HUNK: variants seen among roughly 807,000 people sequenced by gnomAD.
The protein encoded by HUNK is hormonally up-regulated neu tumor-associated kinase.
Under a neutral mutation model 61.0 loss-of-function variants are expected in HUNK, and 21 were observed. That is an observed-to-expected ratio of 0.34 (90% CI 0.24 to 0.50). The LOEUF (loss-of-function observed/expected upper bound fraction) is 0.50. HUNK is among the 20% of genes least tolerant of loss of function. The pLI, the probability that HUNK is intolerant of heterozygous loss-of-function variation, is 0.98. For missense variants in HUNK, 772 were observed against 945.7 expected (o/e 0.82, Z 2.41); for synonymous variants, 371 against 386.1 (o/e 0.96, Z 0.46).
At chr21:31,918,207 CAACTTGTA>C (rs1359011311) in intron 1 of HUNK, among the ~76,000 whole-genome samples, 1 of 149,936 alleles carries the variant, frequency 6.7e-6, no homozygotes, top group African/African-American at 2.5e-5. Flanking sequence ...TCAGTATTAT[CAACTTGTA>C]AGTATGGAGC....
intron 7 of HUNK, among the ~76,000 whole-genome samples, chr21:31,977,456 A>T (rs1382168233): frequency 6.6e-6 from 1 of 152,234 alleles, no homozygotes; most frequent in Non-Finnish European, 1.5e-5. Context: ...AGAGAATGAC[A>T]TTGCTACTTT....
At chr21:31,940,716 C>G (rs1174805253) in intron 3 of HUNK, among the ~76,000 whole-genome samples, 1 of 152,146 alleles carries the variant, frequency 6.6e-6, no homozygotes, top group Non-Finnish European at 1.5e-5. Flanking sequence ...CAAGATGGGG[C>G]ATCATAATTG....
intron 5 of HUNK, among the ~76,000 whole-genome samples, chr21:31,963,340 G>A (rs988118459): frequency 2.6e-5 from 4 of 152,042 alleles, no homozygotes; most frequent in Admixed American, 2.0e-4. Context: ...ATTTTATTTA[G>A]TATAAGACGC....
chr21:31,888,416 A>T (rs1601359920), intron 1 of HUNK, among the ~76,000 whole-genome samples: 1 of 152,202 alleles, frequency 6.6e-6, no homozygotes, highest in Admixed American at 6.5e-5. Flanking sequence ...ATGGGTTCAC[A>T]TGAGATGAGG....
At chr21:31,970,705 A>G (rs953182708) in intron 6 of HUNK, among the ~76,000 whole-genome samples, 1 of 152,226 alleles carries the variant, frequency 6.6e-6, no homozygotes, top group Non-Finnish European at 1.5e-5. Flanking sequence ...GGTGTTAGAC[A>G]GTATTTCCCC....
intron 10 of HUNK, among the ~76,000 whole-genome samples, chr21:31,997,246 T>G (rs1419541579): frequency 6.6e-6 from 1 of 152,256 alleles, no homozygotes; most frequent in Admixed American, 6.5e-5. Context: ...CCCCTTTCTT[T>G]TCTGGCCCAG....
rs2053241276 is a variant in HUNK, at chr21:32,000,904, GA to G, written c.*1721del. 1 of 397,220 alleles carries G rather than the reference GA, an allele frequency of 2.5e-6. No individual in the cohort carries two copies. The highest frequency in any genetic ancestry group is 1.4e-4 in the South Asian group (1 of 7,018). The allele number at this position is 397,220 out of a possible 1,614,324, so 24.6% of individuals were successfully genotyped here. On this transcript the variant is annotated 3_prime_UTR_variant, in exon 11 of 11. Transcript: ENST00000270112. Reference sequence around the variant, plus strand: ...CCACGGCTCTAGGGCATTCTAGGATGAGGTCAGACCCCTTGGCCATTGGTGT... The same window carrying G: ...CCACGGCTCTAGGGCATTCTAGGATGGGTCAGACCCCTTGGCCATTGGTGT...
intron 2 of HUNK, among the ~76,000 whole-genome samples, chr21:31,935,632 C>A (rs1278117744): frequency 6.6e-6 from 1 of 152,110 alleles, no homozygotes; most frequent in Non-Finnish European, 1.5e-5. Flanking sequence ...CCATAGATTC[C>A]CAGAGTGTCA....
At chr21:31,894,571 C>T (rs913603019) in intron 1 of HUNK, among the ~76,000 whole-genome samples, 6 of 152,170 alleles carry the variant, frequency 3.9e-5, no homozygotes, top group Non-Finnish European at 8.8e-5. Context: ...CTTTTGTACA[C>T]ATTGGAAAAG....
intron 4 of HUNK, among the ~76,000 whole-genome samples, chr21:31,951,223 A>G (rs2052847907): frequency 1.3e-5 from 2 of 151,058 alleles, no homozygotes; most frequent in South Asian, 2.1e-4. Flanking sequence ...TAACATATAG[A>G]TGTGTGTGTC....
At chr21:31,994,317 C>T (rs571115146) in intron 9 of HUNK, among the ~76,000 whole-genome samples, 5 of 152,262 alleles carry the variant, frequency 3.3e-5, no homozygotes, top group South Asian at 2.1e-4. Flanking sequence ...GCTCAGCATC[C>T]CCACTTCCCA....
chr21:31,987,910 G>C (rs2053144959), intron 8 of HUNK, among the ~76,000 whole-genome samples: 1 of 152,212 alleles, frequency 6.6e-6, no homozygotes, highest in Non-Finnish European at 1.5e-5. Context: ...AGAGGTTTCA[G>C]ATTGTGAGCA....
intron 1 of HUNK, among the ~76,000 whole-genome samples, chr21:31,874,246 G>T (rs1021971794): frequency 1.5e-4 from 23 of 151,792 alleles, no homozygotes; most frequent in Non-Finnish European, 2.5e-4. Context: ...GGGCGGGATG[G>T]GGCCCCTCTG....
At chr21:31,895,960 A>G (rs149801885) in intron 1 of HUNK, among the ~76,000 whole-genome samples, 1 of 152,230 alleles carries the variant, frequency 6.6e-6, no homozygotes, top group South Asian at 2.1e-4. Context: ...GAGGTAACTA[A>G]GGCGAAATGA....
chr21:31,988,610 T>G (rs544453188), intron 8 of HUNK, among the ~76,000 whole-genome samples: 11 of 152,214 alleles, frequency 7.2e-5, no homozygotes, highest in South Asian at 6.2e-4. Flanking sequence ...TGTGTCCCAA[T>G]TTCCCTGTTC....
chr21:31,993,717 G>A lies in HUNK; in HGVS notation c.1306-2051G>A, dbSNP rs138451095. The stretch of plus-strand genomic sequence containing the variant: ...TCCTTTGCCTTGGAGAAGGTGGCCT[G>A]TTGGTGTGTCATGCACACAAAGGGA... On this transcript the variant is annotated intron_variant, in intron 9 of 10. Transcript: ENST00000270112. Among the ~76,000 whole-genome samples the A allele has an allele frequency of 5.1e-4, 78 of 152,310 alleles. 1 individual carries two copies. Among genetic ancestry groups the A allele is most frequent in the Middle Eastern group, 6.8e-3 (2 of 294 alleles).
At chr21:31,954,595 C>T (rs2052875060) in intron 4 of HUNK, among the ~76,000 whole-genome samples, 1 of 152,192 alleles carries the variant, frequency 6.6e-6, no homozygotes, top group Non-Finnish European at 1.5e-5. Flanking sequence ...CTGCTGGGCA[C>T]AGGTTCTTTG....
chr21:31,899,432 CTGTG>C (rs143720852), intron 1 of HUNK, among the ~76,000 whole-genome samples: 1 of 151,898 alleles, frequency 6.6e-6, no homozygotes, highest in East Asian at 1.9e-4. Flanking sequence ...GTGACCTTTG[CTGTG>C]TGTGTGTGTC....
At chr21:31,932,681 C>T (rs2052706344) in intron 2 of HUNK, among the ~76,000 whole-genome samples, 1 of 152,132 alleles carries the variant, frequency 6.6e-6, no homozygotes, top group South Asian at 2.1e-4. Context: ...CCCCTTTGAG[C>T]ATTTCTTCCT....
Sources: gnomAD v4.1 joint callset for allele counts (sites outside exome capture counted in the v4.1 genomes callset) on GRCh38, gnomAD v4.1.1 for gene constraint, MANE v1.5 for transcripts, NCBI Gene and HGNC (gene_info 2026-07-23, HGNC 2026-07-21) for gene names.